ARFGEF2: variants seen among roughly 807,000 people sequenced by gnomAD.
The protein encoded by ARFGEF2 is ARF guanine nucleotide exchange factor 2.
In ARFGEF2, 74 loss-of-function variants were observed where a neutral mutation model predicts 219.9. The ratio of observed to expected loss-of-function variants is 0.34; its 90% CI spans 0.28 to 0.41. The LOEUF (loss-of-function observed/expected upper bound fraction) is 0.41, where lower values mean the gene tolerates loss of function less well. ARFGEF2 is among the 10% of genes least tolerant of loss of function. ARFGEF2 has a pLI of 1.00. For missense variants in ARFGEF2, 1,743 were observed against 2,218.3 expected (o/e 0.79, Z 4.30); for synonymous variants, 733 against 799.2 (o/e 0.92, Z 1.40).
intron 25 of ARFGEF2, among the ~76,000 whole-genome samples, chr20:49,002,812 T>A (rs1345482642): frequency 6.6e-6 from 1 of 151,452 alleles, no homozygotes; most frequent in African/African-American, 2.4e-5. Flanking sequence ...GCCTGGCTAA[T>A]TTTTTGTATT....
At chr20:49,017,659 TA>T in intron 33 of ARFGEF2, 109 bp downstream of exon 33, 2 of 1,115,176 alleles carry the variant, frequency 1.8e-6, no homozygotes, top group Non-Finnish European at 2.6e-6. Context: ...AGTAAAATTA[TA>T]AGATCTAAAA....
intron 1 of ARFGEF2, among the ~76,000 whole-genome samples, chr20:48,924,840 A>G (rs1479219689): frequency 1.3e-5 from 2 of 152,198 alleles, no homozygotes; most frequent in Non-Finnish European, 2.9e-5. Flanking sequence ...GTGATCTTGG[A>G]CAAGTTACTT....
chr20:49,031,944 C>A (rs1024056086), intron 37 of ARFGEF2, 105 bp from the exon 38 acceptor site: 16 of 910,104 alleles, frequency 1.8e-5, no homozygotes, highest in Admixed American at 3.8e-5. Flanking sequence ...TTAAAAAAAA[C>A]ATGTTAAAAT....
chr20:48,944,204 A>G (rs1244403468), intron 3 of ARFGEF2, among the ~76,000 whole-genome samples: 1 of 152,184 alleles, frequency 6.6e-6, no homozygotes, highest in Admixed American at 6.5e-5. Flanking sequence ...CTTCTATCCT[A>G]AAATATTTTT....
intron 6 of ARFGEF2, among the ~76,000 whole-genome samples, chr20:48,959,441 GTCCCTCCT>G (rs2091127081): frequency 8.7e-5 from 2 of 23,088 alleles, no homozygotes; most frequent in African/African-American, 3.3e-4. Context: ...CCTTCCCTCC[GTCCCTCCT>G]TCCCTCCCTC....
chr20:48,974,113 T>C (rs1323108822), intron 12 of ARFGEF2, among the ~76,000 whole-genome samples: 1 of 137,592 alleles, frequency 7.3e-6, no homozygotes. Context: ...ATTATTTGAG[T>C]GTGAATTTTT....
chr20:48,937,157 C>T (rs1308525040), intron 1 of ARFGEF2, among the ~76,000 whole-genome samples: 1 of 152,210 alleles, frequency 6.6e-6, no homozygotes, highest in Non-Finnish European at 1.5e-5. Context: ...CTCTGTCCTG[C>T]TCTAAGCCCC....
intron 1 of ARFGEF2, among the ~76,000 whole-genome samples, chr20:48,923,125 C>T (rs2090853910): frequency 6.6e-6 from 1 of 151,998 alleles, no homozygotes; most frequent in South Asian, 2.1e-4. Context: ...CAAGAACTAT[C>T]CACCATATGG....
At chr20:48,950,811 AATATATATATATATATATATAT>A (rs71184245) in intron 3 of ARFGEF2, among the ~76,000 whole-genome samples, 1 of 64,482 alleles carries the variant, frequency 1.6e-5, no homozygotes, top group South Asian at 6.1e-4. Context: ...AAAAAAAAAA[AATATATATATATATATATATAT>A]ATATATATAT....
intron 1 of ARFGEF2, among the ~76,000 whole-genome samples, chr20:48,926,763 G>A (rs545620248): frequency 2.6e-5 from 4 of 152,194 alleles, no homozygotes; most frequent in Non-Finnish European, 5.9e-5. Context: ...ATTAATTCTG[G>A]ATTGTGATTC....
At chr20:49,023,795 C>T (rs1420314425) in intron 35 of ARFGEF2, among the ~76,000 whole-genome samples, 1 of 152,092 alleles carries the variant, frequency 6.6e-6, no homozygotes, top group Non-Finnish European at 1.5e-5. Flanking sequence ...GCCTCGGCCT[C>T]CCAAAGTGCT....
At chr20:49,028,438 A>AT in intron 36 of ARFGEF2, 92 bp from the exon 37 acceptor site, 1 of 1,390,186 alleles carries the variant, frequency 7.2e-7, no homozygotes, top group South Asian at 1.2e-5. Flanking sequence ...CAGATGTTTC[A>AT]TATTTCATAA....
intron 1 of ARFGEF2, among the ~76,000 whole-genome samples, chr20:48,928,323 C>G (rs1216702541): frequency 6.9e-6 from 1 of 144,636 alleles, no homozygotes; most frequent in African/African-American, 2.6e-5. Context: ...CTCAGCCTCC[C>G]GAGTAGCTGG....
chr20:49,025,530 T>G (rs754205757), intron 36 of ARFGEF2, 49 bp downstream of exon 36: 1 of 1,607,968 alleles, frequency 6.2e-7, no homozygotes, highest in South Asian at 1.1e-5. Flanking sequence ...GTCACCTTCC[T>G]AAAACATTAA....
chr20:49,010,988 C>T (rs6066948), intron 27 of ARFGEF2, among the ~76,000 whole-genome samples: 2,778 of 152,260 alleles, frequency 0.018, 37 homozygotes, highest in Non-Finnish European at 0.029. Context: ...TGTTTTTTTA[C>T]ATTTTCGTGC....
At chr20:49,025,226 A>C (rs1035074996) in intron 35 of ARFGEF2, 87 bp from the exon 36 acceptor site, 5 of 1,379,728 alleles carry the variant, frequency 3.6e-6, no homozygotes, top group Non-Finnish European at 5.0e-6. Flanking sequence ...ACTTTTGGAG[A>C]GTCATGACTG....
intron 10 of ARFGEF2, 85 bp downstream of exon 10, chr20:48,971,439 A>G (rs2091227085): frequency 2.8e-6 from 3 of 1,070,076 alleles, no homozygotes; most frequent in Non-Finnish European, 2.8e-6. Flanking sequence ...GAATGCTGCT[A>G]ATATTACACT....
intron 26 of ARFGEF2, among the ~76,000 whole-genome samples, chr20:49,009,010 AT>A (rs750872537): frequency 1.3e-3 from 195 of 151,682 alleles, no homozygotes; most frequent in Admixed American, 6.7e-3. Flanking sequence ...GCACAGGTAA[AT>A]TTTTTTTTAT....
At chr20:48,995,681 C>G in intron 22 of ARFGEF2, 102 bp from the exon 23 acceptor site, 1 of 1,006,106 alleles carries the variant, frequency 9.9e-7, no homozygotes, top group Admixed American at 1.7e-5. Context: ...AGAGTCATTC[C>G]CATTTATGTC....
Sources: gnomAD v4.1 joint callset for allele counts (sites outside exome capture counted in the v4.1 genomes callset) on GRCh38, gnomAD v4.1.1 for gene constraint, MANE v1.5 for transcripts, NCBI Gene and HGNC (gene_info 2026-07-23, HGNC 2026-07-21) for gene names.